Variants in PSEN2 observed in about 807,000 individuals in gnomAD.
PSEN2 encodes presenilin 2.
In PSEN2, 32 loss-of-function variants were observed where a neutral mutation model predicts 49.1. The ratio of observed to expected loss-of-function variants is 0.65; its 90% CI spans 0.49 to 0.88. PSEN2 has a LOEUF of 0.88. PSEN2 is among the 40% of genes least tolerant of loss of function. PSEN2 has a pLI of 0.00. For synonymous variants in PSEN2, 255 were observed against 244.0 expected, an observed-to-expected ratio of 1.05 and a Z score of -0.42; for missense variants, 522 against 586.9, an observed-to-expected ratio of 0.89 and a Z score of 1.14.
At chr1:226,891,668 A>T in intron 10 of PSEN2, 75 bp from the exon 11 acceptor site, 4 of 1,320,394 alleles carry the variant, frequency 3.0e-6, no homozygotes, top group Non-Finnish European at 3.3e-6. Context: ...TAACACTCTG[A>T]CCAGCTGTTG....
At chr1:226,899,937 C>G (rs1009304504), downstream of PSEN2, among the ~76,000 whole-genome samples, 2 of 152,126 alleles carry the variant, frequency 1.3e-5, no homozygotes, top group Non-Finnish European at 2.9e-5. Context: ...GCCATTAGTC[C>G]CACGGCCATA....
downstream of PSEN2, among the ~76,000 whole-genome samples, chr1:226,897,327 C>T (rs1234524026): frequency 6.6e-6 from 1 of 152,162 alleles, no homozygotes; most frequent in Non-Finnish European, 1.5e-5. Flanking sequence ...AGCTTGAGGT[C>T]TTTCAAAGGC....
At chr1:226,875,884 T>G (rs1176457022) in intron 3 of PSEN2, among the ~76,000 whole-genome samples, 1 of 152,248 alleles carries the variant, frequency 6.6e-6, no homozygotes, top group East Asian at 1.9e-4. Context: ...GTGGCTTCTT[T>G]GGATGTTTGA....
At chr1:226,901,252 A>G (rs547781912), downstream of PSEN2, among the ~76,000 whole-genome samples, 1 of 152,110 alleles carries the variant, frequency 6.6e-6, no homozygotes, top group African/African-American at 2.4e-5. Context: ...CCTGGCCGAC[A>G]TGGTGAAACT....
At chr1:226,891,564 T>G (rs995136813) in intron 10 of PSEN2, among the ~76,000 whole-genome samples, 179 bp from the exon 11 acceptor site, 4 of 152,116 alleles carry the variant, frequency 2.6e-5, no homozygotes, top group Non-Finnish European at 5.9e-5. Flanking sequence ...CTCTGTTGCA[T>G]CGTTCTGCTG....
chr1:226,873,862 T>C (rs1469150902), intron 2 of PSEN2, among the ~76,000 whole-genome samples: 1 of 152,202 alleles, frequency 6.6e-6, no homozygotes. Flanking sequence ...TTTTATTGAG[T>C]ACTCATGGAA....
intron 1 of PSEN2, 66 bp from the exon 2 acceptor site, chr1:226,871,196 G>A (rs1405081627): frequency 6.6e-6 from 1 of 152,310 alleles, no homozygotes; most frequent in Non-Finnish European, 1.5e-5. Context: ...GCACGTGAGG[G>A]GCAGGGCCGC....
At chr1:226,890,857 A>G (rs1423534357) in intron 9 of PSEN2, 2 of 230,012 alleles carry the variant, frequency 8.7e-6, no homozygotes, top group Non-Finnish European at 1.7e-5. Flanking sequence ...AGGTACCTTC[A>G]TGCAGTTGAG....
At chr1:226,888,063 T>C (rs879017915) in intron 6 of PSEN2, 28 bp from the exon 7 acceptor site, 1 of 1,597,196 alleles carries the variant, frequency 6.3e-7, no homozygotes, top group Non-Finnish European at 8.6e-7. Context: ...TGGGGACACC[T>C]TGTGATCGTG....
chr1:226,885,632 G>T lies in PSEN2; in HGVS notation c.451G>T (p.Val151Phe). 1 of 1,612,696 alleles carries T rather than the reference G, an allele frequency of 6.2e-7. No individual in the cohort carries two copies. The highest frequency in any genetic ancestry group is 8.5e-7 in the Non-Finnish European group (1 of 1,180,000). ...NTLIMISVIV[V>F]MTIFLVVLYK... ...CCTCATCATGATCAGCGTCATCGTG[G>T]TTATGACCATCTTCTTGGTGGTGCT... The change falls in exon 6 of 13, where the codon GTT (valine) becomes TTT (phenylalanine). Residue 151 changes from valine (V) to phenylalanine (F), a missense_variant. By Grantham distance (50) the Val-to-Phe change is conservative. Transcript: ENST00000366783.
At chr1:226,891,630 G>C (rs1661755638) in intron 10 of PSEN2, 113 bp from the exon 11 acceptor site, 1 of 1,017,994 alleles carries the variant, frequency 9.8e-7, no homozygotes, top group Admixed American at 1.9e-5. Context: ...TGCTCAGGGG[G>C]ACCCCTTCTT....
intron 5 of PSEN2, among the ~76,000 whole-genome samples, chr1:226,884,161 G>A (rs192389510): frequency 2.3e-4 from 35 of 152,300 alleles, no homozygotes; most frequent in African/African-American, 6.3e-4. Flanking sequence ...GGTTGATAAC[G>A]CAGTTACTGG....
In PSEN2 at chr1:226,890,021, C is replaced by T. The variant is rs1473337817; in HGVS notation, c.788-14C>T. 2 of 1,604,718 alleles carry T rather than the reference C, an allele frequency of 1.2e-6. No individual in the cohort carries two copies. The highest frequency in any genetic ancestry group is 1.7e-5 in the Admixed American group (1 of 59,992). On this transcript the variant is annotated splice_polypyrimidine_tract_variant and intron_variant, in intron 8 of 12. Coordinates refer to ENST00000366783, the MANE Select transcript of PSEN2 (RefSeq NM_000447.3). ...CCCGGGGATAGTTTGACAAGGATGT[C>T]TCTGTCTTCCTAGATCTCGTGGCTG... is the stretch of plus-strand genomic sequence containing the variant.
chr1:226,874,887 G>T (rs182226938), intron 2 of PSEN2, among the ~76,000 whole-genome samples: 1 of 152,142 alleles, frequency 6.6e-6, no homozygotes, highest in Non-Finnish European at 1.5e-5. Context: ...GCTTTTGACC[G>T]CTGACTTGCT....
At position 226,881,885 on chromosome 1, in the gene PSEN2, C is replaced by G; in HGVS notation, c.-20-3C>G. ...AACAAGGTCCTTGTGCTCCTTTTTCCAGGTGCTTCCAGAGGCAGGGCTATG... is the reference window on the plus strand; with the variant it reads ...AACAAGGTCCTTGTGCTCCTTTTTCGAGGTGCTTCCAGAGGCAGGGCTATG... On this transcript the variant is annotated splice_polypyrimidine_tract_variant and splice_region_variant and intron_variant, in intron 3 of 12. Coordinates refer to ENST00000366783, the MANE Select transcript of PSEN2 (RefSeq NM_000447.3). The G allele has an allele frequency of 6.2e-7, 1 of 1,614,234 alleles. No homozygotes were observed. The highest frequency in any genetic ancestry group is 8.5e-7 in the Non-Finnish European group (1 of 1,180,040).
chr1:226,891,388 T>C, intron 10 of PSEN2, 27 bp downstream of exon 10: 2 of 1,584,246 alleles, frequency 1.3e-6, no homozygotes, highest in Non-Finnish European at 1.7e-6. Context: ...GCTAACAGCC[T>C]CTCATCACTG....
chr1:226,875,787 C>T (rs1331587234), intron 3 of PSEN2, among the ~76,000 whole-genome samples: 1 of 152,174 alleles, frequency 6.6e-6, no homozygotes. Context: ...GACACAAGCA[C>T]GGCTGGGGAG....
At chr1:226,890,236 G>A (rs984491922) in intron 9 of PSEN2, 103 bp downstream of exon 9, 7 of 938,190 alleles carry the variant, frequency 7.5e-6, no homozygotes, top group African/African-American at 1.6e-5. Flanking sequence ...TTGACTGGGC[G>A]ATCCCAGGAG....
In PSEN2 at chr1:226,890,133, T is replaced by C. The variant is rs1410382029; in HGVS notation, c.886T>C (p.Ser296Pro). Residue 296 changes from serine (S) to proline (P), a missense_variant and splice_region_variant, in exon 9 of 13, where the codon TCT becomes CCT. Ser to Pro is a moderately conservative substitution (Grantham distance 74). Coordinates refer to ENST00000366783, the MANE Select transcript of PSEN2 (RefSeq NM_000447.3). ...EPIFPALIYS[S>P]AMVWTVGMAK... ...CATATTCCCTGCCCTGATATACTCA[T>C]GTGAGTGAGCCCCCCGTGCCTCTGC... 6.2e-7 allele frequency: 1 copy of C among 1,610,170 alleles called. No homozygotes were observed. Among genetic ancestry groups the C allele is most frequent in the African/African-American group, 1.3e-5 (1 of 74,800 alleles).
Sources: allele counts gnomAD v4.1 joint callset (sites outside exome capture counted in the v4.1 genomes callset), GRCh38; gene constraint gnomAD v4.1.1; transcripts MANE v1.5; gene names NCBI Gene and HGNC (gene_info 2026-07-23, HGNC 2026-07-21).